The following HIVEP3 variants were observed in gnomAD, a reference collection of about 807,000 sequenced individuals.
The protein encoded by HIVEP3 is HIVEP zinc finger 3.
HIVEP3 carries 49 observed loss-of-function variants against 152.8 expected under a neutral mutation model. The ratio of observed to expected loss-of-function variants is 0.32; its 90% CI spans 0.26 to 0.41. HIVEP3 has a LOEUF of 0.41. Ranked by LOEUF, HIVEP3 falls within the 10% of genes least tolerant of loss-of-function variation. HIVEP3 has a pLI of 1.00. For missense variants in HIVEP3, 2,790 were observed against 3,103.3 expected, an observed-to-expected ratio of 0.90 and a Z score of 2.40; for synonymous variants, 1,269 against 1,289.0, an observed-to-expected ratio of 0.98 and a Z score of 0.33.
At chr1:41,871,071 G>GT (rs1189952828) in intron 1 of HIVEP3, among the ~76,000 whole-genome samples, 1 of 152,208 alleles carries the variant, frequency 6.6e-6, no homozygotes, top group African/African-American at 2.4e-5. Context: ...AACAAGATGG[G>GT]TTAAAACCAA....
chr1:41,538,580 C>A (rs559680072), intron 5 of HIVEP3, among the ~76,000 whole-genome samples: 7 of 152,214 alleles, frequency 4.6e-5, no homozygotes, highest in Admixed American at 3.3e-4. Flanking sequence ...GGTCTAATGC[C>A]CAGCACAGCT....
chr1:41,604,120 G>C (rs1644784250), intron 3 of HIVEP3, among the ~76,000 whole-genome samples: 1 of 152,130 alleles, frequency 6.6e-6, no homozygotes, highest in Non-Finnish European at 1.5e-5. Context: ...CAATTGATTG[G>C]CAAAGACTAA....
At chr1:41,988,191 T>A (rs1223813765) in intron 1 of HIVEP3, among the ~76,000 whole-genome samples, 6 of 152,284 alleles carry the variant, frequency 3.9e-5, no homozygotes, top group African/African-American at 1.2e-4. Flanking sequence ...TTCTTGGATA[T>A]GACCCCAAAA....
At chr1:41,972,253 C>T (rs544925308) in intron 1 of HIVEP3, among the ~76,000 whole-genome samples, 1 of 152,224 alleles carries the variant, frequency 6.6e-6, no homozygotes, top group African/African-American at 2.4e-5. Context: ...CTCTGCTATA[C>T]TCCCACTGTA....
intron 1 of HIVEP3, among the ~76,000 whole-genome samples, chr1:41,708,022 G>C (rs1646459691): frequency 6.6e-6 from 1 of 152,196 alleles, no homozygotes. Flanking sequence ...CTGATGAGCA[G>C]AAGACTTGTT....
intron 1 of HIVEP3, among the ~76,000 whole-genome samples, chr1:41,881,865 A>G (rs902714971): frequency 2.0e-5 from 3 of 152,274 alleles, no homozygotes; most frequent in Non-Finnish European, 4.4e-5. Flanking sequence ...TCACTGTAGT[A>G]AACTGTACCA....
chr1:41,978,240 G>T (rs1462799872), intron 1 of HIVEP3, among the ~76,000 whole-genome samples: 1 of 151,948 alleles, frequency 6.6e-6, no homozygotes, highest in African/African-American at 2.4e-5. Flanking sequence ...TCCAAGCTGA[G>T]AAATACAACC....
intron 5 of HIVEP3, among the ~76,000 whole-genome samples, chr1:41,546,754 G>A (rs547790558): frequency 6.6e-6 from 1 of 152,340 alleles, no homozygotes; most frequent in Admixed American, 6.5e-5. Flanking sequence ...CTGGTGCCCA[G>A]TAAAGAAATG....
chr1:41,582,090 G>C lies in HIVEP3; in HGVS notation c.2708C>G (p.Pro903Arg). 1 of 1,614,148 alleles carries C rather than the reference G, an allele frequency of 6.2e-7. No homozygotes were observed. The highest frequency in any genetic ancestry group is 8.5e-7 in the Non-Finnish European group (1 of 1,180,034). The change falls in exon 4 of 9, where the codon CCC (proline) becomes CGC (arginine). Residue 903 changes from proline (P) to arginine (R), a missense_variant. Transcript: ENST00000372583. The surrounding 1 kb of genome is among the most constrained non-coding windows in gnomAD (Gnocchi z 4.7). ...LAQLPAEKLPPKKKRLRLAEM... is the reference protein window; with the variant it reads ...LAQLPAEKLPRKKKRLRLAEM... ...TGCCAGGCGCAACCTCTTCTTTTTGGGTGGCAGCTTCTCAGCTGGGAGCTG... is the reference window on the plus strand; with the variant it reads ...TGCCAGGCGCAACCTCTTCTTTTTGCGTGGCAGCTTCTCAGCTGGGAGCTG...
intron 2 of HIVEP3, among the ~76,000 whole-genome samples, chr1:41,669,276 A>G (rs1014331506): frequency 1.3e-5 from 2 of 151,602 alleles, no homozygotes; most frequent in Non-Finnish European, 2.9e-5. Context: ...GGAAGCGCTG[A>G]GGGGAGACCT....
At chr1:41,838,203 T>C (rs951963632) in intron 1 of HIVEP3, among the ~76,000 whole-genome samples, 22 of 152,182 alleles carry the variant, frequency 1.4e-4, no homozygotes, top group African/African-American at 4.8e-4. Flanking sequence ...TTTCCCTCAT[T>C]TTCCCCCAAC....
chr1:41,809,142 A>G (rs928165534), intron 1 of HIVEP3, among the ~76,000 whole-genome samples: 6 of 152,174 alleles, frequency 3.9e-5, no homozygotes, highest in Non-Finnish European at 8.8e-5. Context: ...CACAGCTCCT[A>G]TGTGTTGTGC....
intron 1 of HIVEP3, among the ~76,000 whole-genome samples, chr1:41,906,659 T>G (rs1644716072): frequency 6.6e-6 from 1 of 152,080 alleles, no homozygotes; most frequent in South Asian, 2.1e-4. Flanking sequence ...ATTGTACACT[T>G]CAAAAGGTGA....
chr1:41,666,268 G>A (rs1645795564), intron 2 of HIVEP3, among the ~76,000 whole-genome samples: 1 of 152,098 alleles, frequency 6.6e-6, no homozygotes, highest in African/African-American at 2.4e-5. Context: ...CCTTCCTGAG[G>A]TCCAGTCCTC....
chr1:41,880,117 T>C (rs1466247597), intron 1 of HIVEP3, among the ~76,000 whole-genome samples: 1 of 152,160 alleles, frequency 6.6e-6, no homozygotes. Flanking sequence ...TGGAGTGTAG[T>C]GGCGTGATCA....
chr1:41,885,773 C>G (rs2124433117), intron 1 of HIVEP3, among the ~76,000 whole-genome samples: 1 of 146,878 alleles, frequency 6.8e-6, no homozygotes, highest in Non-Finnish European at 1.5e-5. Context: ...CATTCCCTTC[C>G]TTTCCTTTCA....
intron 5 of HIVEP3, among the ~76,000 whole-genome samples, chr1:41,561,574 G>A (rs1279021382): frequency 6.6e-6 from 1 of 151,478 alleles, no homozygotes; most frequent in Non-Finnish European, 1.5e-5. Flanking sequence ...GTGCAGTGAT[G>A]TGATCATGGC....
chr1:41,880,060 T>C (rs1321823320), intron 1 of HIVEP3, among the ~76,000 whole-genome samples: 5 of 152,134 alleles, frequency 3.3e-5, no homozygotes, highest in Non-Finnish European at 2.9e-5. Flanking sequence ...GGGATCATCC[T>C]CTCTTTTTTC....
intron 3 of HIVEP3, among the ~76,000 whole-genome samples, chr1:41,585,524 C>T (rs2149110721): frequency 6.6e-6 from 1 of 152,238 alleles, no homozygotes; most frequent in Non-Finnish European, 1.5e-5. Flanking sequence ...CCCCCGCTCC[C>T]ATGTCAGTGT....
Sources: allele counts gnomAD v4.1 joint callset (sites outside exome capture counted in the v4.1 genomes callset), GRCh38; gene constraint gnomAD v4.1.1; non-coding constraint Gnocchi (gnomAD v3.1); transcripts MANE v1.5; gene names NCBI Gene and HGNC (gene_info 2026-07-23, HGNC 2026-07-21).